Variants in ACBD6 observed in about 807,000 individuals in gnomAD.
ACBD6 encodes acyl-CoA-binding domain-containing protein 6.
Under a neutral mutation model 37.2 loss-of-function variants are expected in ACBD6, and 28 were observed. That is an observed-to-expected ratio of 0.75 (90% CI 0.56 to 1.03). The LOEUF (loss-of-function observed/expected upper bound fraction) is 1.03. Ranked by LOEUF, ACBD6 falls within the 50% of genes least tolerant of loss-of-function variation. ACBD6 has a pLI of 0.00. For synonymous variants in ACBD6, 113 were observed against 126.8 expected, an observed-to-expected ratio of 0.89 and a Z score of 0.73; for missense variants, 340 against 337.4, an observed-to-expected ratio of 1.01 and a Z score of -0.06.
rs968446507 is a variant in ACBD6, at chr1:180,502,327, C to A, written c.-61G>T. 3 of 1,583,598 alleles carry A rather than the reference C, an allele frequency of 1.9e-6. No homozygotes were observed. The highest frequency in any genetic ancestry group is 2.7e-5 in the African/African-American group (2 of 74,434). On this transcript the variant is annotated 5_prime_UTR_variant, in exon 1 of 8. Coordinates refer to ENST00000367595, the MANE Select transcript of ACBD6 (RefSeq NM_032360.4). ...TGTCCTCCTTGGATTGGGTGTAAGG[C>A]CGGCTTGGAGGCCTGGCCCACCAGT...
chr1:180,292,371 A>ATAG (rs1649743363), intron 7 of ACBD6, among the ~76,000 whole-genome samples: 1 of 152,120 alleles, frequency 6.6e-6, no homozygotes, highest in South Asian at 2.1e-4. Flanking sequence ...ACACATACAA[A>ATAG]TCTTACTCTT....
intron 6 of ACBD6, among the ~76,000 whole-genome samples, chr1:180,364,515 AG>A (rs1652969274): frequency 6.6e-6 from 1 of 152,228 alleles, no homozygotes; most frequent in African/African-American, 2.4e-5. Context: ...TTTAAGAGTC[AG>A]AACTAAAACG....
At chr1:180,373,177 C>T (rs537397575) in intron 6 of ACBD6, among the ~76,000 whole-genome samples, 1 of 152,118 alleles carries the variant, frequency 6.6e-6, no homozygotes, top group Non-Finnish European at 1.5e-5. Context: ...TCAGAACCTG[C>T]CAATATCAAT....
chr1:180,429,881 T>C (rs1648745144), intron 4 of ACBD6, among the ~76,000 whole-genome samples: 1 of 152,132 alleles, frequency 6.6e-6, no homozygotes, highest in African/African-American at 2.4e-5. Context: ...GAGACAGTCG[T>C]CACTAGACAC....
intron 6 of ACBD6, among the ~76,000 whole-genome samples, chr1:180,390,161 C>T (rs1325800046): frequency 5.9e-5 from 9 of 152,054 alleles, no homozygotes; most frequent in Non-Finnish European, 8.8e-5. Context: ...CTTTAATCCA[C>T]CTTGAATTAA....
At chr1:180,468,935 T>C (rs1364976448) in intron 3 of ACBD6, among the ~76,000 whole-genome samples, 3 of 152,174 alleles carry the variant, frequency 2.0e-5, no homozygotes, top group Non-Finnish European at 4.4e-5. Flanking sequence ...TGTCCTCAAC[T>C]TGTGGCTAGA....
At chr1:180,370,776 GTC>G (rs1329195773) in intron 6 of ACBD6, among the ~76,000 whole-genome samples, 1 of 151,932 alleles carries the variant, frequency 6.6e-6, no homozygotes, top group Non-Finnish European at 1.5e-5. Context: ...TACAAATGTA[GTC>G]TCTGACTTCA....
chr1:180,361,733 T>C (rs895473474), intron 6 of ACBD6, among the ~76,000 whole-genome samples: 2 of 152,140 alleles, frequency 1.3e-5, no homozygotes, highest in Admixed American at 1.3e-4. Context: ...TTTACAACTT[T>C]CAAAATACCA....
chr1:180,451,950 G>A (rs2102028125), intron 3 of ACBD6, among the ~76,000 whole-genome samples: 1 of 152,232 alleles, frequency 6.6e-6, no homozygotes, highest in South Asian at 2.1e-4. Flanking sequence ...AACTAGGAAA[G>A]ACTATACTTT....
intron 3 of ACBD6, chr1:180,438,308 A>T (rs1649136900): frequency 6.5e-6 from 1 of 152,832 alleles, no homozygotes; most frequent in African/African-American, 2.4e-5. Flanking sequence ...TGTGTTAGAG[A>T]ACTTAAAATG....
chr1:180,426,407 T>TAGTGC (rs1169888357), intron 4 of ACBD6, among the ~76,000 whole-genome samples: 4 of 152,214 alleles, frequency 2.6e-5, no homozygotes, highest in African/African-American at 4.8e-5. Context: ...CAATTTCTTG[T>TAGTGC]ATATGTAGTG....
intron 5 of ACBD6, among the ~76,000 whole-genome samples, chr1:180,407,312 T>C (rs1470360512): frequency 6.6e-6 from 1 of 152,210 alleles, no homozygotes; most frequent in Non-Finnish European, 1.5e-5. Context: ...AGGGTAAAGG[T>C]AGCTGCATGG....
chr1:180,347,539 T>C (rs1206739693), intron 6 of ACBD6, among the ~76,000 whole-genome samples: 1 of 152,072 alleles, frequency 6.6e-6, no homozygotes, highest in Non-Finnish European at 1.5e-5. Flanking sequence ...GCTAATTTAG[T>C]AGAAACAGGG....
At chr1:180,448,708 A>C (rs1220128788) in intron 3 of ACBD6, among the ~76,000 whole-genome samples, 1 of 152,182 alleles carries the variant, frequency 6.6e-6, no homozygotes, top group Non-Finnish European at 1.5e-5. Context: ...TTTTAGCTTT[A>C]CCTGTTGGCT....
In ACBD6 at chr1:180,455,777, C is replaced by T. The variant is rs1326859284; in HGVS notation, c.385-25515G>A. On this transcript the variant is annotated intron_variant, in intron 3 of 7. Coordinates refer to ENST00000367595, the MANE Select transcript of ACBD6 (RefSeq NM_032360.4). The stretch of plus-strand genomic sequence containing the variant: ...CTAGATTATGCACTTTTTATATACA[C>T]TTTTTAAAAAATACCACCATCTTAG... Among the ~76,000 whole-genome samples, 3 of 152,070 alleles carry T rather than the reference C, an allele frequency of 2.0e-5. No individual in the cohort carries two copies. The East Asian group carries it at 5.8e-4, about 29-fold the overall frequency.
intron 7 of ACBD6, among the ~76,000 whole-genome samples, chr1:180,297,449 G>A (rs539671426): frequency 2.0e-5 from 3 of 152,250 alleles, no homozygotes; most frequent in African/African-American, 7.2e-5. Context: ...GCGATGTGGG[G>A]TTTCTTAGAA....
intron 6 of ACBD6, among the ~76,000 whole-genome samples, chr1:180,339,086 C>G (rs1242336465): frequency 6.6e-6 from 1 of 152,184 alleles, no homozygotes; most frequent in African/African-American, 2.4e-5. Flanking sequence ...GTTGGTGGGA[C>G]TGTAAACTAG....
chr1:180,311,800 C>T (rs1165638605), intron 7 of ACBD6, among the ~76,000 whole-genome samples: 2 of 152,236 alleles, frequency 1.3e-5, no homozygotes, highest in South Asian at 4.1e-4. Context: ...TTCCTTCTTA[C>T]CAAATTTTTG....
At chr1:180,394,074 T>C (rs568333340) in intron 6 of ACBD6, among the ~76,000 whole-genome samples, 13 of 152,234 alleles carry the variant, frequency 8.5e-5, no homozygotes, top group African/African-American at 2.9e-4. Flanking sequence ...CTCCAAACAA[T>C]GTGTTTGGTT....
Sources: allele counts gnomAD v4.1 joint callset (sites outside exome capture counted in the v4.1 genomes callset), GRCh38; gene constraint gnomAD v4.1.1; transcripts MANE v1.5; gene names NCBI Gene and HGNC (gene_info 2026-07-23, HGNC 2026-07-21).